The following NPHP4 variants were observed in gnomAD, a reference collection of about 807,000 sequenced individuals.
The protein encoded by NPHP4 is nephrocystin-4.
Under a neutral mutation model 155.8 loss-of-function variants are expected in NPHP4, and 151 were observed. The observed-to-expected ratio is 0.97, with a 90% CI of 0.85 to 1.11. The LOEUF is 1.11. Among genes scored for constraint, NPHP4 ranks in the 50% least tolerant of loss-of-function variants. The probability of loss-of-function intolerance (pLI) is 0.00; values close to 1 mark genes in which losing one functional copy is unlikely to be tolerated. For synonymous variants in NPHP4, 845 were observed against 816.8 expected, an observed-to-expected ratio of 1.03 and a Z score of -0.59; for missense variants, 1,956 against 1,925.7, an observed-to-expected ratio of 1.02 and a Z score of -0.29.
chr1:5,930,241 TC>T (rs1190960692), intron 10 of NPHP4, among the ~76,000 whole-genome samples: 1 of 152,222 alleles, frequency 6.6e-6, no homozygotes, highest in African/African-American at 2.4e-5. Context: ...TCAAACAGGT[TC>T]TTGTTTCACT....
rs763251283 is a variant in NPHP4, at chr1:5,867,808, C to T, written c.3404G>A (p.Arg1135His). Residue 1135 changes from arginine to histidine, a missense_variant, in exon 24 of 30, where the codon CGC becomes CAC. Arg to His is a conservative substitution (Grantham distance 29). Transcript: ENST00000378156. The surrounding 1 kb of genome is among the most constrained non-coding windows in gnomAD (Gnocchi z 4.1). ...LQPHVVDQVF[R>H]FYHPELSFLK... ...GAAGGAGAGCTCCGGGTGATAGAAG[C>T]GGAAGACCTGGTCCACCACGTGGGG... 9.3e-6 allele frequency: 15 copies of T among 1,613,174 alleles called. No homozygotes were observed. Among genetic ancestry groups the T allele is most frequent in the Admixed American group, 5.0e-5 (3 of 60,008 alleles).
chr1:5,933,363 T>G, intron 9 of NPHP4, 34 bp from the exon 10 acceptor site: 2 of 1,579,344 alleles, frequency 1.3e-6, no homozygotes, highest in Middle Eastern at 2.2e-4. Context: ...GGTGTATGAG[T>G]TATCACAGAA....
At position 5,867,301 on chromosome 1, in the gene NPHP4, A is replaced by T; in HGVS notation, c.3473-186T>A. 1.7e-6 allele frequency: 1 copy of T among 587,688 alleles called. No individual in the cohort carries two copies. 36.4% of individuals were successfully genotyped at this position (587,688 alleles called of 1,614,324 possible). A position where few individuals can be genotyped will look rare whatever the true frequency, so the allele number is the denominator to read the frequency against. The stretch of plus-strand genomic sequence containing the variant: ...TCCAAGCACTGTGTTCCCTGCATGG[A>T]CACCGCCCATCCAGCCCACTGCGGC... On this transcript the variant is annotated intron_variant, in intron 24 of 29. Transcript: ENST00000378156. This position sits in a 1 kb window ranked among gnomAD's most constrained non-coding sequence, Gnocchi z 4.1.
chr1:5,900,999 C>T (rs1252318023), intron 16 of NPHP4, among the ~76,000 whole-genome samples: 1 of 151,862 alleles, frequency 6.6e-6, no homozygotes, highest in East Asian at 1.9e-4. Context: ...TGTGCCACTG[C>T]ACTCCAGCCT....
At chr1:5,955,671 CAT>C (rs1481822125) in intron 6 of NPHP4, among the ~76,000 whole-genome samples, 2 of 152,242 alleles carry the variant, frequency 1.3e-5, no homozygotes, top group African/African-American at 4.8e-5. Flanking sequence ...TGATCTTACT[CAT>C]ATGTGGGATC....
At chr1:5,877,611 C>A (rs559233049) in intron 19 of NPHP4, 1 of 269,348 alleles carries the variant, frequency 3.7e-6, no homozygotes, top group East Asian at 6.3e-5. Flanking sequence ...TTCTAGAAGC[C>A]CATGCTCTCG....
intron 21 of NPHP4, 102 bp downstream of exon 21, chr1:5,874,772 C>G: frequency 6.6e-7 from 1 of 1,513,796 alleles, no homozygotes; most frequent in Admixed American, 1.8e-5. Flanking sequence ...GAAGTCAAAT[C>G]GCCCCGGCTC....
chr1:5,910,542 T>C lies in NPHP4; in HGVS notation c.1442-1329A>G, dbSNP rs1279876179. 2.0e-5 allele frequency among the ~76,000 whole-genome samples: 3 copies of C among 152,248 alleles called. No individual in the cohort carries two copies. Among genetic ancestry groups the C allele is most frequent in the South Asian group, 2.1e-4 (1 of 4,818 alleles). ...TATGTCCTGGTATCCTGAATTCCTA[T>C]GGCACAGAGCACAGGCCGGCACTTA... On this transcript the variant is annotated intron_variant, in intron 11 of 29. Transcript: ENST00000378156. This position sits in a 1 kb window ranked among gnomAD's most constrained non-coding sequence, Gnocchi z 5.4.
intron 2 of NPHP4, among the ~76,000 whole-genome samples, chr1:5,982,249 AGACTGTATATAT>A (rs1367516556): frequency 6.6e-6 from 1 of 152,200 alleles, no homozygotes; most frequent in Non-Finnish European, 1.5e-5. Flanking sequence ...GATCAGCAAC[AGACTGTATATAT>A]GACTGGCCCC....
chr1:5,933,262 G>A lies in NPHP4; in HGVS notation c.1187C>T (p.Pro396Leu), dbSNP rs990432046. The stretch of plus-strand genomic sequence containing the variant: ...CCTTCCAGAATCAGCTTCCAGCAAG[G>A]GGTTCCAAACAGCCCAGCGGACCAT... ...MHMVRWAVWN[P>L]LLEADSGRVT... The change falls in exon 10 of 30, where the codon CCC (proline) becomes CTC (leucine). Residue 396 changes from proline (P) to leucine (L), a missense_variant. Physicochemically the swap from Pro to Leu is moderately conservative, Grantham distance 98 (BLOSUM62 -3). Transcript: ENST00000378156. 2 of 1,613,792 alleles carry A rather than the reference G, an allele frequency of 1.2e-6. No individual in the cohort carries two copies. The highest frequency in any genetic ancestry group is 8.5e-7 in the Non-Finnish European group (1 of 1,179,848).
At chr1:5,866,584 G>A in intron 25 of NPHP4, 126 bp from the exon 26 acceptor site, 1 of 648,244 alleles carries the variant, frequency 1.5e-6, no homozygotes, top group Admixed American at 2.5e-5. Context: ...ATCTGTTCAT[G>A]TTCTATACCA....
intron 9 of NPHP4, among the ~76,000 whole-genome samples, chr1:5,943,894 C>T (rs1646950271): frequency 6.6e-6 from 1 of 152,030 alleles, no homozygotes; most frequent in South Asian, 2.1e-4. Context: ...GTCTAGGATG[C>T]GGTCTCCAAT....
At chr1:5,945,940 T>C (rs1196838416) in intron 9 of NPHP4, among the ~76,000 whole-genome samples, 1 of 152,154 alleles carries the variant, frequency 6.6e-6, no homozygotes, top group Non-Finnish European at 1.5e-5. Flanking sequence ...CCGTCCCGCA[T>C]ATCCACACTG....
At chr1:5,949,343 T>TACACAC (rs140032819) in intron 7 of NPHP4, among the ~76,000 whole-genome samples, 91 of 140,892 alleles carry the variant, frequency 6.5e-4, no homozygotes, top group African/African-American at 2.1e-3. Context: ...TTCACATACA[T>TACACAC]ACACACACAC....
rs550197382 is a variant in NPHP4, at chr1:5,892,588, C to T, written c.2144-1560G>A. Among the ~76,000 whole-genome samples, 263 of 152,158 alleles carry T rather than the reference C, an allele frequency of 1.7e-3. 1 individual carries two copies. Among genetic ancestry groups the T allele is most frequent in the Non-Finnish European group, 3.3e-3 (223 of 67,958 alleles). ...GGTATAGTGGTGACAGAATGGGGGC[C>T]GGTCCAGCGGGGCACTGGAAGGAGC... On this transcript the variant is annotated intron_variant, in intron 16 of 29. Transcript: ENST00000378156. This position sits in a 1 kb window ranked among gnomAD's most constrained non-coding sequence, Gnocchi z 4.5.
intron 5 of NPHP4, among the ~76,000 whole-genome samples, chr1:5,964,941 A>ATATATATATTTTTTT: frequency 1.0e-4 from 6 of 59,410 alleles, no homozygotes; most frequent in African/African-American, 1.7e-4. Context: ...ATATATATAT[A>ATATATATATTTTTTT]TTTTTTTTTT....
chr1:5,927,301 C>A (rs1441682424), intron 11 of NPHP4, among the ~76,000 whole-genome samples: 1 of 152,232 alleles, frequency 6.6e-6, no homozygotes, highest in Non-Finnish European at 1.5e-5. Context: ...TTCAACAGTG[C>A]AAACGCAAGG....
At position 5,905,827 on chromosome 1, in the gene NPHP4, A is replaced by G. The variant is rs776560376; in HGVS notation, c.1612-44T>C. 1 of 1,555,726 alleles carries G rather than the reference A, an allele frequency of 6.4e-7. No homozygotes were observed. Among genetic ancestry groups the G allele is most frequent in the Non-Finnish European group, 8.7e-7 (1 of 1,146,628 alleles). On this transcript the variant is annotated intron_variant, in intron 13 of 29. Coordinates refer to ENST00000378156, the MANE Select transcript of NPHP4 (RefSeq NM_015102.5). This position sits in a 1 kb window ranked among gnomAD's most constrained non-coding sequence, Gnocchi z 4.0. ...TCCAAGTGAGGCCACCAAGGACCCCAACCCGTAACAACCAACGGTGCTCAG... is the reference window on the plus strand; with the variant it reads ...TCCAAGTGAGGCCACCAAGGACCCCGACCCGTAACAACCAACGGTGCTCAG...
chr1:5,864,801 AG>A, intron 27 of NPHP4: 1 of 536,542 alleles, frequency 1.9e-6, no homozygotes, highest in African/African-American at 1.9e-5. Context: ...TGGTGGCACC[AG>A]GGGCCGCCCT....
Sources: allele counts gnomAD v4.1 joint callset (sites outside exome capture counted in the v4.1 genomes callset), GRCh38; gene constraint gnomAD v4.1.1; non-coding constraint Gnocchi (gnomAD v3.1); transcripts MANE v1.5; gene names NCBI Gene and HGNC (gene_info 2026-07-23, HGNC 2026-07-21).